PTPRT: variants seen among roughly 807,000 people sequenced by gnomAD.
The protein encoded by PTPRT is protein tyrosine phosphatase receptor type T, also known as receptor-type tyrosine-protein phosphatase T.
Under a neutral mutation model 176.8 loss-of-function variants are expected in PTPRT, and 56 were observed. The observed-to-expected ratio is 0.32, with a 90% confidence interval of 0.26 to 0.40. PTPRT has a LOEUF of 0.40. Among genes scored for constraint, PTPRT ranks in the 10% least tolerant of loss-of-function variants. The pLI is 1.00. For missense variants in PTPRT, 1,540 were observed against 1,908.2 expected (o/e 0.81, Z 3.60); for synonymous variants, 783 against 739.0 (o/e 1.06, Z -0.96).
intron 7 of PTPRT, among the ~76,000 whole-genome samples, chr20:42,611,414 C>T (rs207477585): frequency 6.6e-6 from 1 of 152,136 alleles, no homozygotes; most frequent in African/African-American, 2.4e-5. Context: ...CAGAACGCTG[C>T]CATAAGGGCA....
intron 7 of PTPRT, among the ~76,000 whole-genome samples, chr20:42,557,201 T>G (rs55864523): frequency 0.014 from 2,187 of 152,246 alleles, 28 homozygotes; most frequent in Non-Finnish European, 0.021. Context: ...TTCATTCACT[T>G]ATTTAAATGT....
At chr20:42,258,193 AC>A (rs1031586991) in intron 13 of PTPRT, among the ~76,000 whole-genome samples, 2 of 152,160 alleles carry the variant, frequency 1.3e-5, no homozygotes, top group African/African-American at 4.8e-5. Context: ...TTTGCCACCC[AC>A]TCTATCATGC....
At chr20:42,384,656 T>C (rs1355128143) in intron 9 of PTPRT, among the ~76,000 whole-genome samples, 1 of 152,238 alleles carries the variant, frequency 6.6e-6, no homozygotes, top group Non-Finnish European at 1.5e-5. Context: ...ATGGTAATTC[T>C]ATTTTTAATC....
chr20:42,376,823 G>C (rs1181715142), intron 9 of PTPRT, among the ~76,000 whole-genome samples: 3 of 152,152 alleles, frequency 2.0e-5, no homozygotes, highest in Admixed American at 6.5e-5. Context: ...AGTCTATAGT[G>C]GGGGAGATGA....
At chr20:42,850,682 C>A (rs563901385) in intron 2 of PTPRT, among the ~76,000 whole-genome samples, 1 of 152,184 alleles carries the variant, frequency 6.6e-6, no homozygotes, top group Non-Finnish European at 1.5e-5. Context: ...AGGCCAGCTG[C>A]TGGTTTAACC....
intron 16 of PTPRT, among the ~76,000 whole-genome samples, chr20:42,175,750 T>G (rs1428542724): frequency 6.6e-6 from 1 of 152,046 alleles, no homozygotes; most frequent in African/African-American, 2.4e-5. Flanking sequence ...GAAAGGGAAG[T>G]GTAGTGATGT....
intron 26 of PTPRT, among the ~76,000 whole-genome samples, chr20:42,100,041 G>C (rs1985773989): frequency 6.6e-6 from 1 of 152,200 alleles, no homozygotes; most frequent in South Asian, 2.1e-4. Flanking sequence ...ACTTGACCTT[G>C]AGCAAGTGAT....
intron 5 of PTPRT, among the ~76,000 whole-genome samples, chr20:42,757,699 C>T (rs1009386885): frequency 6.6e-6 from 1 of 152,232 alleles, no homozygotes; most frequent in African/African-American, 2.4e-5. Flanking sequence ...AGAAGCTTGT[C>T]TGAAAGCTTC....
intron 16 of PTPRT, among the ~76,000 whole-genome samples, chr20:42,192,213 G>A (rs1349056161): frequency 1.3e-5 from 2 of 152,182 alleles, no homozygotes; most frequent in Admixed American, 6.5e-5. Flanking sequence ...GAGAAGATCA[G>A]GGTCAGGCCA....
chr20:42,476,920 T>C (rs1405053349), intron 7 of PTPRT, among the ~76,000 whole-genome samples: 1 of 152,218 alleles, frequency 6.6e-6, no homozygotes, highest in Non-Finnish European at 1.5e-5. Flanking sequence ...CACACAAGCC[T>C]GTCCCGAACA....
intron 1 of PTPRT, among the ~76,000 whole-genome samples, chr20:43,086,007 C>A (rs950881354): frequency 1.3e-5 from 2 of 152,026 alleles, no homozygotes; most frequent in South Asian, 4.2e-4. Flanking sequence ...CAGTCACTTG[C>A]CAGTTTTGGG....
At chr20:42,733,253 G>A (rs1476477441) in intron 6 of PTPRT, among the ~76,000 whole-genome samples, 1 of 152,178 alleles carries the variant, frequency 6.6e-6, no homozygotes, top group African/African-American at 2.4e-5. Context: ...GATCACAGCG[G>A]GAGGATGGAG....
intron 7 of PTPRT, among the ~76,000 whole-genome samples, chr20:42,567,771 T>C (rs554621783): frequency 6.6e-6 from 1 of 152,356 alleles, no homozygotes; most frequent in Admixed American, 6.5e-5. Flanking sequence ...AAGTATTTAT[T>C]GAACAACAGA....
intron 8 of PTPRT, among the ~76,000 whole-genome samples, chr20:42,453,631 C>T (rs527842543): frequency 6.6e-6 from 1 of 151,174 alleles, no homozygotes; most frequent in South Asian, 2.1e-4. Context: ...AAAATAGGTA[C>T]TACAGGTACT....
intron 1 of PTPRT, among the ~76,000 whole-genome samples, chr20:43,003,913 G>C (rs914196553): frequency 1.3e-5 from 2 of 152,108 alleles, no homozygotes; most frequent in Non-Finnish European, 2.9e-5. Flanking sequence ...CTAGCAAAAA[G>C]AATCCAACAC....
At chr20:42,395,093 C>T (rs1252589999) in intron 9 of PTPRT, among the ~76,000 whole-genome samples, 2 of 152,180 alleles carry the variant, frequency 1.3e-5, no homozygotes, top group Non-Finnish European at 2.9e-5. Flanking sequence ...ACCTCAAGTG[C>T]TCCCTTGGTA....
At chr20:43,011,219 G>A (rs1985103377) in intron 1 of PTPRT, among the ~76,000 whole-genome samples, 2 of 152,122 alleles carry the variant, frequency 1.3e-5, no homozygotes, top group Admixed American at 6.5e-5. Flanking sequence ...GAGAATAAGA[G>A]GAGCCAGAGT....
In PTPRT at chr20:42,650,168, C is replaced by CA. The variant is rs562409672; in HGVS notation, c.1153+27697_1153+27698insT. ...GGTTAGCAGTCTCTTCCACTTGGCTCCTTTTTTACAGGTGATGAAGCACAG... is the reference window on the plus strand; with the variant it reads ...GGTTAGCAGTCTCTTCCACTTGGCTCACTTTTTTACAGGTGATGAAGCACAG... On this transcript the variant is annotated intron_variant, in intron 7 of 30. Coordinates refer to ENST00000373187, the MANE Select transcript of PTPRT (RefSeq NM_007050.6). Among the ~76,000 whole-genome samples the CA allele has an allele frequency of 1.5e-4, 23 of 152,312 alleles. No homozygotes were observed. The East Asian group carries it at 4.1e-3, about 27-fold the overall frequency.
intron 7 of PTPRT, among the ~76,000 whole-genome samples, chr20:42,648,826 T>TG (rs1569054291): frequency 6.8e-6 from 1 of 146,002 alleles, no homozygotes; most frequent in African/African-American, 2.6e-5. Flanking sequence ...CGTTGTTTTT[T>TG]TTTTTTTTTT....
Sources: allele counts gnomAD v4.1 joint callset (sites outside exome capture counted in the v4.1 genomes callset), GRCh38; gene constraint gnomAD v4.1.1; transcripts MANE v1.5; gene names NCBI Gene and HGNC (gene_info 2026-07-23, HGNC 2026-07-21).